Variants in CHODL observed in about 807,000 individuals in gnomAD.
CHODL encodes chondrolectin, also known as transmembrane protein MT75.
Under a neutral mutation model 34.5 loss-of-function variants are expected in CHODL, and 29 were observed. The ratio of observed to expected loss-of-function variants is 0.84; its 90% CI spans 0.63 to 1.15. CHODL has a LOEUF of 1.15. Ranked by LOEUF, CHODL falls within the 50% of genes most tolerant of loss-of-function variation. The pLI is 0.00. For synonymous variants in CHODL, 125 were observed against 116.1 expected, an observed-to-expected ratio of 1.08 and a Z score of -0.49; for missense variants, 332 against 332.5, an observed-to-expected ratio of 1.00 and a Z score of 0.01.
At chr21:18,098,461 C>T (rs548209255) in intron 2 of CHODL, among the ~76,000 whole-genome samples, 2 of 151,934 alleles carry the variant, frequency 1.3e-5, no homozygotes, top group South Asian at 4.2e-4. Context: ...TAAAAAAGTG[C>T]TCAATTTCTT....
Position 18,049,801 on chromosome 21 carries a change from T to C in CHODL, c.-45+21830T>C, listed in dbSNP as rs1017391766. On this transcript the variant is annotated intron_variant, in intron 2 of 6. Coordinates refer to the CHODL transcript ENST00000400127. ...ACATAATCATCTCATTAAAGACCTT[T>C]TCTTCAAATACGGCTGCATTATGGG... 2.0e-5 allele frequency among the ~76,000 whole-genome samples: 3 copies of C among 151,976 alleles called. No homozygotes were observed. In the East Asian group the frequency reaches 5.8e-4, roughly 29 times the overall value.
At chr21:18,235,349 G>A (rs902738926) in intron 2 of CHODL, among the ~76,000 whole-genome samples, 7 of 151,932 alleles carry the variant, frequency 4.6e-5, no homozygotes, top group Non-Finnish European at 7.4e-5. Context: ...TTTTCTGCAA[G>A]TATATTCATA....
At chr21:18,129,902 GTGTGTGTGTGTGTGTGTGTGTGTGTGTC>G (rs1568901345) in intron 2 of CHODL, among the ~76,000 whole-genome samples, 1 of 75,012 alleles carries the variant, frequency 1.3e-5, no homozygotes, top group East Asian at 4.8e-4. Context: ...CTGTGTGTGT[GTGTGTGTGTGTGTGTGTGTGTGTGTGTC>G]TGTGTGTGTG....
intron 2 of CHODL, among the ~76,000 whole-genome samples, chr21:18,185,324 C>T (rs1047301924): frequency 1.3e-5 from 2 of 152,136 alleles, no homozygotes; most frequent in African/African-American, 2.4e-5. Flanking sequence ...TTTCCAGCTT[C>T]GTTCATGTCC....
At chr21:17,981,207 T>G (rs2146375381) in intron 1 of CHODL, among the ~76,000 whole-genome samples, 1 of 152,278 alleles carries the variant, frequency 6.6e-6, no homozygotes, top group East Asian at 1.9e-4. Context: ...AGCCCCAGCT[T>G]CATGAGCACA....
At chr21:18,017,652 G>T (rs1022826836) in intron 1 of CHODL, among the ~76,000 whole-genome samples, 1 of 152,202 alleles carries the variant, frequency 6.6e-6, no homozygotes, top group Non-Finnish European at 1.5e-5. Context: ...TGTTGCAGAG[G>T]CAGAGCCCTC....
chr21:17,963,073 AAAT>A (rs10617165), intron 1 of CHODL, among the ~76,000 whole-genome samples: 5,191 of 87,468 alleles, frequency 0.059, 105 homozygotes, highest in African/African-American at 0.078. Flanking sequence ...CAAAAAAAAA[AAAT>A]AATAATAATA....
At chr21:18,150,044 A>C (rs1185918604) in intron 2 of CHODL, among the ~76,000 whole-genome samples, 1 of 152,196 alleles carries the variant, frequency 6.6e-6, no homozygotes, top group East Asian at 1.9e-4. Flanking sequence ...CAAATACATT[A>C]AAGAAATATA....
chr21:18,111,046 T>A (rs1601017654), intron 2 of CHODL, among the ~76,000 whole-genome samples: 1 of 152,200 alleles, frequency 6.6e-6, no homozygotes, highest in South Asian at 2.1e-4. Context: ...ACTAGGGGAA[T>A]ATTAGAGTGT....
chr21:18,088,161 C>G (rs1421014702), intron 2 of CHODL, among the ~76,000 whole-genome samples: 1 of 152,252 alleles, frequency 6.6e-6, no homozygotes, highest in African/African-American at 2.4e-5. Flanking sequence ...GTGACACGAG[C>G]CAAACCATAT....
At chr21:18,169,978 C>T (rs1320571754) in intron 2 of CHODL, among the ~76,000 whole-genome samples, 3 of 151,982 alleles carry the variant, frequency 2.0e-5, no homozygotes, top group African/African-American at 4.8e-5. Context: ...GTTCGATTCT[C>T]GCATTTCAGT....
At chr21:18,060,479 T>G (rs1322187596) in intron 2 of CHODL, among the ~76,000 whole-genome samples, 1 of 139,578 alleles carries the variant, frequency 7.2e-6, no homozygotes, top group Non-Finnish European at 1.5e-5. Flanking sequence ...TAAATAAAAT[T>G]ATCAAACTCC....
intron 1 of CHODL, among the ~76,000 whole-genome samples, chr21:17,965,968 T>C (rs910373089): frequency 5.7e-4 from 86 of 151,272 alleles, no homozygotes; most frequent in African/African-American, 2.0e-3. Context: ...CTGAGCTGGA[T>C]GGATTGTGGT....
At chr21:18,198,078 T>G (rs1030405543) in intron 2 of CHODL, among the ~76,000 whole-genome samples, 2 of 152,232 alleles carry the variant, frequency 1.3e-5, no homozygotes, top group South Asian at 4.1e-4. Context: ...AGCTGAAAAT[T>G]ATCTACAGGT....
intron 2 of CHODL, among the ~76,000 whole-genome samples, chr21:18,129,107 T>A (rs923962285): frequency 2.0e-5 from 3 of 152,150 alleles, no homozygotes; most frequent in African/African-American, 7.2e-5. Context: ...TCACTTGCTG[T>A]ATATTCTGTA....
chr21:17,994,487 G>C lies in CHODL; in HGVS notation c.-144-33385G>C, dbSNP rs557418811. On this transcript the variant is annotated intron_variant, in intron 1 of 6. Coordinates refer to the CHODL transcript ENST00000400127. ...AGGGCACTGGTGGCAGTAGAGGCAG[G>C]CTTGGTGGGTTAGTCCTTGGGGCTC... Among the ~76,000 whole-genome samples the C allele has an allele frequency of 3.9e-5, 6 of 152,332 alleles. No individual in the cohort carries two copies. In the East Asian group the frequency reaches 7.7e-4, roughly 20 times the overall value.
intron 1 of CHODL, among the ~76,000 whole-genome samples, chr21:18,024,100 A>C (rs1406388733): frequency 6.6e-6 from 1 of 152,126 alleles, no homozygotes; most frequent in Admixed American, 6.5e-5. Context: ...AAAACTCCTC[A>C]TTTCTTTTTC....
At chr21:18,111,647 T>G (rs527442702) in intron 2 of CHODL, among the ~76,000 whole-genome samples, 4 of 152,306 alleles carry the variant, frequency 2.6e-5, no homozygotes, top group African/African-American at 9.6e-5. Context: ...CACTTTTGCT[T>G]TTAGGTAGTA....
intron 2 of CHODL, among the ~76,000 whole-genome samples, chr21:18,116,019 A>G (rs1341015036): frequency 1.3e-5 from 2 of 151,684 alleles, no homozygotes; most frequent in Non-Finnish European, 2.9e-5. Context: ...TTCTTAATAC[A>G]TTTCCTACTT....
Sources: allele counts gnomAD v4.1 joint callset (sites outside exome capture counted in the v4.1 genomes callset), GRCh38; gene constraint gnomAD v4.1.1; transcripts MANE v1.5; gene names NCBI Gene and HGNC (gene_info 2026-07-23, HGNC 2026-07-21).